The following BIVM variants were observed in gnomAD, a reference collection of about 807,000 sequenced individuals.
BIVM encodes basic immunoglobulin-like variable motif-containing protein.
Under a neutral mutation model 61.4 loss-of-function variants are expected in BIVM, and 31 were observed. The ratio of observed to expected loss-of-function variants is 0.51; its 90% CI spans 0.38 to 0.68. The LOEUF is 0.68. BIVM is among the 30% of genes least tolerant of loss of function. The pLI is 0.00. For missense variants in BIVM, 526 were observed against 596.0 expected, an observed-to-expected ratio of 0.88 and a Z score of 1.22; for synonymous variants, 189 against 210.7, an observed-to-expected ratio of 0.90 and a Z score of 0.89.
intron 7 of BIVM, among the ~76,000 whole-genome samples, chr13:102,827,670 C>G (rs980314752): frequency 3.3e-5 from 5 of 152,156 alleles, no homozygotes; most frequent in Admixed American, 2.6e-4. Context: ...TCACACCCAT[C>G]ATTTTCCATT....
intron 8 of BIVM, 27 bp downstream of exon 8, chr13:102,831,724 G>A: frequency 6.2e-7 from 1 of 1,612,892 alleles, no homozygotes. Flanking sequence ...TTTAGAAAGT[G>A]CATTTTAAGA....
At chr13:102,823,268 G>T (rs993248941) in intron 7 of BIVM, among the ~76,000 whole-genome samples, 2 of 152,216 alleles carry the variant, frequency 1.3e-5, no homozygotes, top group African/African-American at 4.8e-5. Context: ...CACAAAGTCA[G>T]ATATATTTCT....
chr13:102,806,894 G>A (rs1180367571), intron 2 of BIVM, among the ~76,000 whole-genome samples: 1 of 150,134 alleles, frequency 6.7e-6, no homozygotes, highest in Non-Finnish European at 1.5e-5. Context: ...TGGGCAACAA[G>A]AGTGAAACTC....
At chr13:102,802,581 G>C (rs1253620275) in intron 1 of BIVM, among the ~76,000 whole-genome samples, 1 of 151,988 alleles carries the variant, frequency 6.6e-6, no homozygotes, top group East Asian at 1.9e-4. Context: ...CATGCCCTTG[G>C]ATTTTAGTGA....
chr13:102,801,500 G>C (rs565144611), intron 1 of BIVM: 2 of 151,982 alleles, frequency 1.3e-5, no homozygotes, highest in East Asian at 3.9e-4. Flanking sequence ...TGATCCACCC[G>C]CCTCAGCCTC....
chr13:102,824,848 C>A (rs1880551596), intron 7 of BIVM, among the ~76,000 whole-genome samples: 1 of 152,172 alleles, frequency 6.6e-6, no homozygotes, highest in Non-Finnish European at 1.5e-5. Context: ...CAGCCTTGAA[C>A]TCCTAGGCTC....
chr13:102,810,171 C>T (rs1033371477), intron 3 of BIVM, among the ~76,000 whole-genome samples: 3 of 152,200 alleles, frequency 2.0e-5, no homozygotes, highest in Non-Finnish European at 2.9e-5. Context: ...TACTTTTTGT[C>T]ACTGTGAATT....
In BIVM at chr13:102,840,290, T is replaced by TG. The variant is rs1881737254; in HGVS notation, c.*425_*426insG. 1 of 152,870 alleles carries TG rather than the reference T, an allele frequency of 6.5e-6. No homozygotes were observed. The allele number at this position is 152,870 out of a possible 1,614,324, so 9.5% of individuals were successfully genotyped here. On this transcript the variant is annotated 3_prime_UTR_variant, in exon 11 of 11. Transcript: ENST00000257336. Reference sequence around the variant, plus strand: ...CAAGATGTAAAGTACCATCTGCCCTTAAAAAAAATTGGGGCTGTCAATTTC... The same window carrying TG: ...CAAGATGTAAAGTACCATCTGCCCTTGAAAAAAAATTGGGGCTGTCAATTTC...
At chr13:102,809,763 A>G (rs1879350426) in intron 3 of BIVM, among the ~76,000 whole-genome samples, 1 of 149,832 alleles carries the variant, frequency 6.7e-6, no homozygotes, top group Admixed American at 6.7e-5. Context: ...TTCATCTCCA[A>G]ATCTCTTTCC....
At chr13:102,820,781 T>G (rs887594789) in intron 4 of BIVM, 5 of 386,528 alleles carry the variant, frequency 1.3e-5, no homozygotes, top group Non-Finnish European at 2.3e-5. Context: ...ATATCATTAT[T>G]TTTTTTCCCA....
At chr13:102,823,395 T>A (rs1880430078) in intron 7 of BIVM, among the ~76,000 whole-genome samples, 1 of 152,258 alleles carries the variant, frequency 6.6e-6, no homozygotes, top group Non-Finnish European at 1.5e-5. Flanking sequence ...TGAGCCTTGA[T>A]GTAGACCTTT....
rs1174876127 is a variant in BIVM at position 102,839,659 on chromosome 13, A to G, written c.1306A>G (p.Arg436Gly). The change falls in exon 11 of 11, where the codon AGA becomes GGA. Residue 436 changes from arginine (R) to glycine (G), a missense_variant. Transcript: ENST00000257336. ...GLWNFPFGTIRQESQPPTHAQ... is the reference protein window; with the variant it reads ...GLWNFPFGTIGQESQPPTHAQ... ...TTGGAACTTTCCATTTGGAACCATTAGACAAGAATCACAACCTCCAACACA... is the reference window on the plus strand; with the variant it reads ...TTGGAACTTTCCATTTGGAACCATTGGACAAGAATCACAACCTCCAACACA... 6.2e-7 allele frequency: 1 copy of G among 1,614,228 alleles called. No homozygotes were observed. The highest frequency in any genetic ancestry group is 2.2e-5 in the East Asian group (1 of 44,890).
At chr13:102,810,708 G>A (rs983069202) in intron 3 of BIVM, among the ~76,000 whole-genome samples, 5 of 152,160 alleles carry the variant, frequency 3.3e-5, no homozygotes, top group African/African-American at 1.2e-4. Context: ...ACAAACCAAA[G>A]TTATTATAAT....
chr13:102,841,284 A>G lies in BIVM; in HGVS notation c.*1419A>G, dbSNP rs1052855108. On this transcript the variant is annotated 3_prime_UTR_variant, in exon 11 of 11. Transcript: ENST00000257336. Reference sequence around the variant, plus strand: ...TGGTAACCATATCGCAATACACCTCAAGGAAAAGGTTCAGATTTTTATTTT... The same window carrying G: ...TGGTAACCATATCGCAATACACCTCGAGGAAAAGGTTCAGATTTTTATTTT... 3 of 152,554 alleles carry G rather than the reference A, an allele frequency of 2.0e-5. No individual in the cohort carries two copies. Among genetic ancestry groups the G allele is most frequent in the Non-Finnish European group, 2.9e-5 (2 of 68,016 alleles). 9.5% of individuals were successfully genotyped at this position (152,554 alleles called of 1,614,324 possible).
intron 9 of BIVM, 137 bp from the exon 10 acceptor site, chr13:102,838,506 A>G (rs1489858728): frequency 1.5e-6 from 1 of 679,488 alleles, no homozygotes; most frequent in Non-Finnish European, 2.3e-6. Flanking sequence ...TTAGTAGATG[A>G]AACAATGTTG....
intron 7 of BIVM, among the ~76,000 whole-genome samples, chr13:102,823,086 A>T (rs1427979706): frequency 6.6e-6 from 1 of 152,156 alleles, no homozygotes; most frequent in Non-Finnish European, 1.5e-5. Flanking sequence ...AAGGAACTTG[A>T]TTAGATATTA....
chr13:102,807,879 A>C lies in BIVM; in HGVS notation c.478+134A>C. The C allele has an allele frequency of 9.4e-7, 1 of 1,067,594 alleles. No individual in the cohort carries two copies. The highest frequency in any genetic ancestry group is 1.3e-6 in the Non-Finnish European group (1 of 766,674). The allele number at this position is 1,067,594 out of a possible 1,614,324, so 66.1% of individuals were successfully genotyped here. The stretch of plus-strand genomic sequence containing the variant: ...GAACATGGCTATCATCTTGTCTGTC[A>C]ATGTAGTTTTAGGAAAGTAACCTTG... On this transcript the variant is annotated intron_variant, in intron 3 of 10. Coordinates refer to ENST00000257336, the MANE Select transcript of BIVM (RefSeq NM_017693.4). This position sits in a 1 kb window ranked among gnomAD's most constrained non-coding sequence, Gnocchi z 4.0.
intron 4 of BIVM, chr13:102,820,255 G>A (rs894350276): frequency 2.0e-5 from 3 of 151,864 alleles, no homozygotes; most frequent in African/African-American, 7.3e-5. Context: ...GGGAGGCTGA[G>A]GCAGGAGAAT....
chr13:102,833,228 T>C (rs1236502816), intron 8 of BIVM, among the ~76,000 whole-genome samples: 1 of 151,462 alleles, frequency 6.6e-6, no homozygotes, highest in Non-Finnish European at 1.5e-5. Flanking sequence ...AGCGAGATCC[T>C]TTCTGTAAAA....
Sources: gnomAD v4.1 joint callset for allele counts (sites outside exome capture counted in the v4.1 genomes callset) on GRCh38, gnomAD v4.1.1 for gene constraint, Gnocchi (gnomAD v3.1) non-coding constraint, MANE v1.5 for transcripts, NCBI Gene and HGNC (gene_info 2026-07-23, HGNC 2026-07-21) for gene names.